The following TENM4 variants were observed in gnomAD, a reference collection of about 807,000 sequenced individuals.
TENM4 encodes the protein teneurin transmembrane protein 4.
Under a neutral mutation model 243.3 loss-of-function variants are expected in TENM4, and 82 were observed. That is an observed-to-expected ratio of 0.34 (90% CI 0.28 to 0.40). The LOEUF is 0.40. TENM4 is among the 10% of genes least tolerant of loss of function. TENM4 has a pLI of 1.00. For synonymous variants in TENM4, 1,412 were observed against 1,456.3 expected (o/e 0.97, Z 0.69); for missense variants, 3,138 against 3,673.3 (o/e 0.85, Z 3.77).
intron 1 of TENM4, among the ~76,000 whole-genome samples, chr11:79,332,694 G>A (rs1021699749): frequency 1.3e-5 from 2 of 152,134 alleles, no homozygotes; most frequent in African/African-American, 2.4e-5. Flanking sequence ...GAGACTAAGA[G>A]CTTAAGTAGA....
chr11:78,827,471 CTATTTATTTATT>C (rs55871470), intron 12 of TENM4, among the ~76,000 whole-genome samples: 54 of 146,140 alleles, frequency 3.7e-4, no homozygotes, highest in South Asian at 1.1e-3. Flanking sequence ...CCTTCAAAGC[CTATTTATTTATT>C]TATTTATTTA....
chr11:79,117,547 G>A (rs1450654310), intron 4 of TENM4, among the ~76,000 whole-genome samples: 2 of 152,218 alleles, frequency 1.3e-5, no homozygotes, highest in Non-Finnish European at 2.9e-5. Context: ...GCTTCATCAA[G>A]CCTCCACTTC....
At chr11:79,288,759 G>A (rs182273475) in intron 2 of TENM4, among the ~76,000 whole-genome samples, 38 of 152,314 alleles carry the variant, frequency 2.5e-4, no homozygotes, top group Admixed American at 9.8e-4. Context: ...GGCTAGAGAG[G>A]CTAAGCAGGT....
intron 1 of TENM4, among the ~76,000 whole-genome samples, chr11:79,347,920 C>T (rs982218212): frequency 1.3e-5 from 2 of 151,786 alleles, no homozygotes; most frequent in Non-Finnish European, 2.9e-5. Flanking sequence ...GCTGGGACTA[C>T]AGGCGCCCGC....
intron 2 of TENM4, among the ~76,000 whole-genome samples, chr11:79,228,652 A>G (rs1428951727): frequency 2.6e-5 from 4 of 152,194 alleles, no homozygotes; most frequent in African/African-American, 9.6e-5. Flanking sequence ...AGACGAAAAA[A>G]AAAACAAGAA....
At chr11:78,895,562 C>T (rs2136307838) in intron 7 of TENM4, among the ~76,000 whole-genome samples, 1 of 152,220 alleles carries the variant, frequency 6.6e-6, no homozygotes, top group East Asian at 1.9e-4. Context: ...CTCCTATCCA[C>T]CCACTCCCCA....
At chr11:78,935,904 A>G (rs1327212935) in intron 6 of TENM4, among the ~76,000 whole-genome samples, 2 of 152,336 alleles carry the variant, frequency 1.3e-5, no homozygotes, top group East Asian at 3.9e-4. Flanking sequence ...CAGATCACCC[A>G]GTGTCCCTGA....
intron 6 of TENM4, among the ~76,000 whole-genome samples, chr11:79,048,564 C>T (rs1859717229): frequency 6.6e-6 from 1 of 152,170 alleles, no homozygotes; most frequent in African/African-American, 2.4e-5. Context: ...TGGTGTGGTG[C>T]TTCTGTGCTG....
At chr11:79,240,877 C>A (rs2135280663) in intron 2 of TENM4, among the ~76,000 whole-genome samples, 1 of 152,214 alleles carries the variant, frequency 6.6e-6, no homozygotes, top group South Asian at 2.1e-4. Context: ...ACCTATCTTG[C>A]AGAGATTTTC....
intron 4 of TENM4, among the ~76,000 whole-genome samples, chr11:79,095,300 G>T (rs1019651125): frequency 1.3e-5 from 2 of 152,158 alleles, no homozygotes; most frequent in Non-Finnish European, 2.9e-5. Flanking sequence ...AAGCAGCAGG[G>T]CAGGATTTGA....
chr11:78,893,795 A>ACACACACACACACACACACACC (rs1480668434), intron 7 of TENM4, among the ~76,000 whole-genome samples: 1 of 151,410 alleles, frequency 6.6e-6, no homozygotes, highest in African/African-American at 2.4e-5. Context: ...ACACACACAC[A>ACACACACACACACACACACACC]CACACTCCTC....
At chr11:79,391,595 G>T (rs572642447) in intron 1 of TENM4, among the ~76,000 whole-genome samples, 5 of 152,138 alleles carry the variant, frequency 3.3e-5, no homozygotes, top group East Asian at 3.9e-4. Flanking sequence ...AAAAGGTTGG[G>T]TTTTTTTTAT....
At chr11:79,187,355 C>G (rs117321428) in intron 3 of TENM4, among the ~76,000 whole-genome samples, 3 of 152,316 alleles carry the variant, frequency 2.0e-5, no homozygotes, top group Non-Finnish European at 4.4e-5. Context: ...TGGCTACTTG[C>G]TAACATGGTG....
intron 14 of TENM4, among the ~76,000 whole-genome samples, chr11:78,811,334 A>G (rs557058673): frequency 2.0e-5 from 3 of 152,318 alleles, no homozygotes; most frequent in South Asian, 2.1e-4. Flanking sequence ...CTGAATCCCA[A>G]TTCTGCCATT....
At chr11:79,429,334 G>T (rs1042613420) in intron 1 of TENM4, among the ~76,000 whole-genome samples, 7 of 151,880 alleles carry the variant, frequency 4.6e-5, no homozygotes, top group African/African-American at 1.7e-4. Context: ...TCCCCCTCCC[G>T]CCTCCTCCCC....
chr11:78,775,191 C>T (rs1231170262), intron 17 of TENM4, among the ~76,000 whole-genome samples: 1 of 152,232 alleles, frequency 6.6e-6, no homozygotes, highest in Non-Finnish European at 1.5e-5. Context: ...CCTCAGAACT[C>T]TTTACCCCAC....
chr11:79,020,362 C>A (rs982948003), intron 6 of TENM4, among the ~76,000 whole-genome samples: 16 of 152,188 alleles, frequency 1.1e-4, no homozygotes, highest in Non-Finnish European at 7.3e-5. Flanking sequence ...TTAATATTAA[C>A]TATCTCATTT....
chr11:78,914,444 A>G (rs554195130), intron 6 of TENM4, among the ~76,000 whole-genome samples: 9 of 152,334 alleles, frequency 5.9e-5, no homozygotes, highest in African/African-American at 1.9e-4. Context: ...AGTTAAGCTT[A>G]AGAAAACCCT....
intron 1 of TENM4, among the ~76,000 whole-genome samples, chr11:79,395,635 G>GGAGCCA (rs1858327887): frequency 6.6e-6 from 1 of 152,164 alleles, no homozygotes. Flanking sequence ...CTCCCAGAAG[G>GGAGCCA]TATAGCATCA....
Sources: gnomAD v4.1 joint callset for allele counts (sites outside exome capture counted in the v4.1 genomes callset) on GRCh38, gnomAD v4.1.1 for gene constraint, MANE v1.5 for transcripts, NCBI Gene and HGNC (gene_info 2026-07-23, HGNC 2026-07-21) for gene names.